The following PHKB variants were observed in gnomAD, a reference collection of about 807,000 sequenced individuals.
The protein encoded by PHKB is phosphorylase kinase regulatory subunit beta.
PHKB carries 122 observed loss-of-function variants against 152.1 expected under a neutral mutation model. That is an observed-to-expected ratio of 0.80 (90% confidence interval 0.69 to 0.93). The LOEUF (loss-of-function observed/expected upper bound fraction) is 0.93, where lower values mean the gene tolerates loss of function less well. PHKB is among the 40% of genes least tolerant of loss of function. The pLI, the probability that PHKB is intolerant of heterozygous loss-of-function variation, is 0.00. For missense variants in PHKB, 1,304 were observed against 1,328.4 expected (o/e 0.98, Z 0.29); for synonymous variants, 436 against 464.9 (o/e 0.94, Z 0.80).
At position 47,567,928 on chromosome 16, in the gene PHKB, G is replaced by A. The variant is rs149236630; in HGVS notation, c.711-12367G>A. ...GAATTATCTTTTCAACGCGCTGTTG[G>A]ATTCAGTTTGCTAGTATTTTATTGA... On this transcript the variant is annotated intron_variant, in intron 7 of 30. Transcript: ENST00000323584. Among the ~76,000 whole-genome samples, 1,137 of 152,274 alleles carry A rather than the reference G, an allele frequency of 7.5e-3. 19 individuals carry two copies. Among genetic ancestry groups the A allele is most frequent in the African/African-American group, 0.026 (1,078 of 41,552 alleles).
chr16:47,654,465 G>A (rs1013338239), intron 20 of PHKB, among the ~76,000 whole-genome samples: 8 of 152,042 alleles, frequency 5.3e-5, no homozygotes, highest in Admixed American at 6.5e-5. Flanking sequence ...TATACCCAAA[G>A]GATTATAAAT....
chr16:47,578,307 G>A (rs1325340680), intron 7 of PHKB, among the ~76,000 whole-genome samples: 9 of 151,996 alleles, frequency 5.9e-5, no homozygotes, highest in Admixed American at 5.2e-4. Flanking sequence ...TCTTCTCAAC[G>A]TTAGCATCCA....
At chr16:47,682,444 T>G (rs1395266041) in intron 26 of PHKB, among the ~76,000 whole-genome samples, 2 of 152,226 alleles carry the variant, frequency 1.3e-5, no homozygotes, top group Non-Finnish European at 2.9e-5. Context: ...CCATATTTCT[T>G]GGAGGCTTTG....
chr16:47,604,243 CCT>C (rs1364112274), intron 13 of PHKB, among the ~76,000 whole-genome samples: 4 of 151,910 alleles, frequency 2.6e-5, no homozygotes, highest in Non-Finnish European at 5.9e-5. Flanking sequence ...GTGTATAAAA[CCT>C]CTCTGATATT....
chr16:47,662,269 G>T (rs1973458105), intron 23 of PHKB, among the ~76,000 whole-genome samples: 1 of 152,186 alleles, frequency 6.6e-6, no homozygotes, highest in South Asian at 2.1e-4. Flanking sequence ...TAAATCATTT[G>T]TAATCATGTC....
intron 26 of PHKB, among the ~76,000 whole-genome samples, chr16:47,679,248 T>C (rs1973799643): frequency 6.6e-6 from 1 of 152,240 alleles, no homozygotes; most frequent in Admixed American, 6.5e-5. Context: ...GACTTGGCGA[T>C]GCGGGCTCTT....
intron 13 of PHKB, among the ~76,000 whole-genome samples, chr16:47,598,384 A>G (rs1299413260): frequency 6.6e-6 from 1 of 152,190 alleles, no homozygotes; most frequent in African/African-American, 2.4e-5. Context: ...GAAGATCTGT[A>G]GGAATTTTTC....
chr16:47,547,711 A>C, intron 7 of PHKB, 163 bp downstream of exon 7: 1 of 598,462 alleles, frequency 1.7e-6, no homozygotes, highest in East Asian at 3.0e-5. Context: ...TTAACACAAA[A>C]GAGCCCATCC....
Position 47,503,023 on chromosome 16 carries a change from A to T in PHKB, c.338A>T (p.Glu113Val). Residue 113 changes from glutamate (E) to valine (V), a missense_variant, in exon 4 of 31, where the codon GAG becomes GTG. Physicochemically the swap from Glu to Val is moderately radical, Grantham distance 121 (BLOSUM62 -2). Transcript: ENST00000323584. ...RIDDDKGRTH[E>V]LEHSAIKCMR... ...GATGATGACAAGGGAAGGACCCATG[A>T]GCTGGAGCACTCAGCTATAAAATGC... 1 of 1,613,706 alleles carries T rather than the reference A, an allele frequency of 6.2e-7. No homozygotes were observed. Among genetic ancestry groups the T allele is most frequent in the Non-Finnish European group, 8.5e-7 (1 of 1,179,586 alleles).
chr16:47,489,369 C>G (rs971153890), intron 1 of PHKB, among the ~76,000 whole-genome samples: 3 of 152,244 alleles, frequency 2.0e-5, no homozygotes, highest in African/African-American at 7.2e-5. Flanking sequence ...CTCCAGTACT[C>G]ATTTTTGCTA....
At chr16:47,481,214 G>T (rs1320673912) in intron 1 of PHKB, among the ~76,000 whole-genome samples, 1 of 152,128 alleles carries the variant, frequency 6.6e-6, no homozygotes, top group Non-Finnish European at 1.5e-5. Context: ...GCTCTGAATA[G>T]TCATGCTTCA....
At chr16:47,483,040 T>C (rs924613583) in intron 1 of PHKB, among the ~76,000 whole-genome samples, 24 of 139,412 alleles carry the variant, frequency 1.7e-4, no homozygotes, top group Non-Finnish European at 2.8e-4. Flanking sequence ...ATTTCTTTTT[T>C]TTTTTTTTTT....
In PHKB at chr16:47,670,538, A is replaced by G. The variant is rs562818716; in HGVS notation, c.2630+1121A>G. Among the ~76,000 whole-genome samples, 60 of 152,260 alleles carry G rather than the reference A, an allele frequency of 3.9e-4. 2 individuals carry two copies. In the East Asian group the frequency reaches 0.011, roughly 28 times the overall value. ...GAGTCTCATTCCTATCACACAGGCT[A>G]GAGTGCAGTGGTGCGATCTCAGCTC... On this transcript the variant is annotated intron_variant, in intron 26 of 30. Coordinates refer to ENST00000323584, the MANE Select transcript of PHKB (RefSeq NM_000293.3).
chr16:47,465,605 A>C (rs777166472), intron 1 of PHKB, among the ~76,000 whole-genome samples: 9 of 152,226 alleles, frequency 5.9e-5, no homozygotes, highest in Non-Finnish European at 1.0e-4. Flanking sequence ...TCATCTAACC[A>C]AAACTTAGTA....
chr16:47,591,112 CTCTT>C (rs1240215651), intron 10 of PHKB, among the ~76,000 whole-genome samples: 1 of 152,272 alleles, frequency 6.6e-6, no homozygotes, highest in African/African-American at 2.4e-5. Context: ...ATATCTATTT[CTCTT>C]TCTTTTTTCT....
chr16:47,684,646 A>G lies in PHKB; in HGVS notation c.2631-4395A>G, dbSNP rs1225217633. Among the ~76,000 whole-genome samples the G allele has an allele frequency of 2.0e-5, 3 of 152,204 alleles. No individual in the cohort carries two copies. In the South Asian group the frequency reaches 6.2e-4, roughly 31 times the overall value. On this transcript the variant is annotated intron_variant, in intron 26 of 30. Transcript: ENST00000323584. ...GCTGGGCGTAGTAGCGGGCGCCTGT[A>G]GTCCCAGCTACTCGGGAAGCTGAGG...
intron 16 of PHKB, among the ~76,000 whole-genome samples, chr16:47,645,173 C>G (rs951056793): frequency 2.0e-5 from 3 of 151,100 alleles, no homozygotes; most frequent in Admixed American, 6.6e-5. Context: ...TGCCTGTTCA[C>G]TCTGATGGTA....
At chr16:47,486,096 C>T (rs145835922) in intron 1 of PHKB, among the ~76,000 whole-genome samples, 2 of 152,020 alleles carry the variant, frequency 1.3e-5, no homozygotes, top group Admixed American at 6.6e-5. Context: ...TGTAATTGAT[C>T]GTCTTCCAAT....
intron 5 of PHKB, among the ~76,000 whole-genome samples, chr16:47,513,154 C>A (rs922794519): frequency 1.3e-5 from 2 of 152,148 alleles, no homozygotes; most frequent in African/African-American, 4.8e-5. Context: ...ACATAGTTGG[C>A]CTTAAATAAA....
Sources: allele counts gnomAD v4.1 joint callset (sites outside exome capture counted in the v4.1 genomes callset), GRCh38; gene constraint gnomAD v4.1.1; transcripts MANE v1.5; gene names NCBI Gene and HGNC (gene_info 2026-07-23, HGNC 2026-07-21).